Variants in BMERB1 observed in about 807,000 individuals in gnomAD.
BMERB1 encodes bMERB domain-containing protein 1.
In BMERB1, 12 loss-of-function variants were observed where a neutral mutation model predicts 23.6. The ratio of observed to expected loss-of-function variants is 0.51; its 90% CI spans 0.33 to 0.82. The LOEUF is 0.82. Ranked by LOEUF, BMERB1 falls within the 40% of genes least tolerant of loss-of-function variation. The probability of loss-of-function intolerance (pLI) is 0.03; values close to 1 mark genes in which losing one functional copy is unlikely to be tolerated. For synonymous variants in BMERB1, 122 were observed against 96.6 expected (o/e 1.26, Z -1.54); for missense variants, 247 against 255.4 (o/e 0.97, Z 0.22).
At chr16:15,570,170 C>T (rs1179242564) in intron 3 of BMERB1, among the ~76,000 whole-genome samples, 2 of 152,168 alleles carry the variant, frequency 1.3e-5, no homozygotes, top group African/African-American at 2.4e-5. Context: ...GCCATGCTGT[C>T]AGTTCAATAA....
chr16:15,537,445 C>T (rs2052036029), intron 2 of BMERB1, among the ~76,000 whole-genome samples: 1 of 151,674 alleles, frequency 6.6e-6, no homozygotes, highest in Admixed American at 6.6e-5. Context: ...ACCTTGTCTC[C>T]CAAGTTCAAG....
intron 1 of BMERB1, among the ~76,000 whole-genome samples, chr16:15,454,817 A>G (rs1408867326): frequency 6.6e-6 from 1 of 151,224 alleles, no homozygotes; most frequent in Non-Finnish European, 1.5e-5. Context: ...TTGCTGTTCT[A>G]TTTATGCTGT....
intron 2 of BMERB1, among the ~76,000 whole-genome samples, chr16:15,535,572 C>T (rs1481182186): frequency 2.6e-5 from 4 of 151,158 alleles, no homozygotes; most frequent in Non-Finnish European, 4.4e-5. Flanking sequence ...ATCACTTGAA[C>T]CCAGAAGGCG....
intron 1 of BMERB1, among the ~76,000 whole-genome samples, chr16:15,513,229 C>T (rs751788554): frequency 6.6e-6 from 1 of 152,180 alleles, no homozygotes. Flanking sequence ...ACGTTCTTCA[C>T]TGGAACATTC....
intron 1 of BMERB1, among the ~76,000 whole-genome samples, chr16:15,469,686 A>C (rs1314580047): frequency 6.6e-6 from 1 of 152,172 alleles, no homozygotes; most frequent in Non-Finnish European, 1.5e-5. Flanking sequence ...AAATTTCAGC[A>C]TACATATCCT....
At chr16:15,484,405 C>T (rs542392811) in intron 1 of BMERB1, among the ~76,000 whole-genome samples, 1 of 151,598 alleles carries the variant, frequency 6.6e-6, no homozygotes, top group Non-Finnish European at 1.5e-5. Context: ...TTCCCCCAAC[C>T]TCTTTTTTTT....
chr16:15,563,966 G>A (rs1378826583), intron 2 of BMERB1, among the ~76,000 whole-genome samples: 1 of 152,056 alleles, frequency 6.6e-6, no homozygotes, highest in East Asian at 1.9e-4. Flanking sequence ...GGGTGAGTGA[G>A]TTCTCACTCT....
intron 2 of BMERB1, among the ~76,000 whole-genome samples, chr16:15,560,753 A>G (rs2030393388): frequency 6.6e-6 from 1 of 151,992 alleles, no homozygotes; most frequent in South Asian, 2.1e-4. Context: ...AGATTGTGCC[A>G]CTGCATTCCA....
intron 2 of BMERB1, among the ~76,000 whole-genome samples, chr16:15,517,494 G>A (rs1036122401): frequency 1.3e-5 from 2 of 151,880 alleles, no homozygotes; most frequent in African/African-American, 4.8e-5. Flanking sequence ...CTGGGCAACA[G>A]AGAGAAACTA....
chr16:15,463,270 T>TA (rs2051152108), intron 1 of BMERB1, among the ~76,000 whole-genome samples: 3 of 151,462 alleles, frequency 2.0e-5, no homozygotes, highest in African/African-American at 7.3e-5. Flanking sequence ...TATATATATA[T>TA]TTTGTAGAGG....
At chr16:15,438,935 A>G (rs974946456) in intron 1 of BMERB1, among the ~76,000 whole-genome samples, 8 of 152,212 alleles carry the variant, frequency 5.3e-5, no homozygotes, top group East Asian at 1.9e-4. Flanking sequence ...TGCCAAGCCA[A>G]TGTTGTAACA....
chr16:15,549,955 C>T (rs532581940), intron 2 of BMERB1, among the ~76,000 whole-genome samples: 1 of 151,734 alleles, frequency 6.6e-6, no homozygotes, highest in East Asian at 1.9e-4. Context: ...TTCAAAAGCA[C>T]GTTTTTTTTT....
chr16:15,440,210 A>G (rs1158079138), intron 1 of BMERB1, among the ~76,000 whole-genome samples: 1 of 142,440 alleles, frequency 7.0e-6, no homozygotes, highest in Non-Finnish European at 1.5e-5. Context: ...GGACGGCTGC[A>G]TTCCAGCCTG....
At chr16:15,579,143 T>A (rs930102221) in intron 3 of BMERB1, among the ~76,000 whole-genome samples, 2 of 152,126 alleles carry the variant, frequency 1.3e-5, no homozygotes, top group African/African-American at 4.8e-5. Flanking sequence ...GGCTAAGATC[T>A]AGAGAGCAGT....
At chr16:15,554,684 T>C (rs1459403486) in intron 2 of BMERB1, among the ~76,000 whole-genome samples, 2 of 151,732 alleles carry the variant, frequency 1.3e-5, no homozygotes, top group Admixed American at 6.6e-5. Flanking sequence ...CTTTTTTTTT[T>C]TAGATGGTGT....
At chr16:15,498,592 G>A (rs1476176150) in intron 1 of BMERB1, among the ~76,000 whole-genome samples, 1 of 151,128 alleles carries the variant, frequency 6.6e-6, no homozygotes, top group Non-Finnish European at 1.5e-5. Context: ...GGAAGGGAAG[G>A]GAAGGGAGAA....
chr16:15,572,428 G>T (rs182276832), intron 3 of BMERB1, among the ~76,000 whole-genome samples: 2 of 152,296 alleles, frequency 1.3e-5, no homozygotes, highest in East Asian at 3.9e-4. Flanking sequence ...GACTTTCCTA[G>T]TTGAAAGAGA....
intron 1 of BMERB1, among the ~76,000 whole-genome samples, chr16:15,496,584 C>G (rs979326497): frequency 1.3e-5 from 2 of 151,658 alleles, no homozygotes; most frequent in East Asian, 1.9e-4. Context: ...TGTCACCCAG[C>G]CTGGAGTGCA....
chr16:15,580,048 C>G (rs2030968086), intron 3 of BMERB1, among the ~76,000 whole-genome samples: 2 of 152,040 alleles, frequency 1.3e-5, no homozygotes, highest in Non-Finnish European at 2.9e-5. Context: ...CATGCATTAG[C>G]TATTTTTCCT....
Sources: gnomAD v4.1 joint callset for allele counts (sites outside exome capture counted in the v4.1 genomes callset) on GRCh38, gnomAD v4.1.1 for gene constraint, MANE v1.5 for transcripts, NCBI Gene and HGNC (gene_info 2026-07-23, HGNC 2026-07-21) for gene names.